The following WDR27 variants were observed in gnomAD, a reference collection of about 807,000 sequenced individuals.
WDR27 encodes the protein WD repeat domain 27, also known as WD repeat-containing protein 27.
Under a neutral mutation model 114.4 loss-of-function variants are expected in WDR27, and 100 were observed. The ratio of observed to expected loss-of-function variants is 0.87; its 90% confidence interval spans 0.74 to 1.03. The LOEUF (loss-of-function observed/expected upper bound fraction) is 1.03. Ranked by LOEUF, WDR27 falls within the 50% of genes least tolerant of loss-of-function variation. The pLI is 0.00. For synonymous variants in WDR27, 449 were observed against 423.1 expected (o/e 1.06, Z -0.75); for missense variants, 1,129 against 1,092.9 (o/e 1.03, Z -0.47).
chr6:169,462,490 G>GAGAGAAAGAAAGAAAGAAAGAAAGAA (rs555265160), intron 25 of WDR27, among the ~76,000 whole-genome samples: 12 of 149,958 alleles, frequency 8.0e-5, no homozygotes, highest in East Asian at 7.8e-4. Context: ...GAGAGAGAGA[G>GAGAGAAAGAAAGAAAGAAAGAAAGAA]AGAAAGAAAG....
intron 20 of WDR27, 54 bp from the exon 21 acceptor site, chr6:169,633,122 G>A (rs1816826905): frequency 6.6e-7 from 1 of 1,520,158 alleles, no homozygotes; most frequent in South Asian, 1.3e-5. Flanking sequence ...ATGGGGAAGG[G>A]ACAGTTCCCT....
chr6:169,692,744 C>T (rs1306662923), intron 1 of WDR27, among the ~76,000 whole-genome samples: 1 of 152,170 alleles, frequency 6.6e-6, no homozygotes, highest in Non-Finnish European at 1.5e-5. Flanking sequence ...GGCCCAAGAA[C>T]CACTCCCACG....
chr6:169,613,745 CAAGT>C, intron 21 of WDR27, 89 bp from the exon 22 acceptor site: 6 of 1,161,882 alleles, frequency 5.2e-6, no homozygotes, highest in Non-Finnish European at 7.3e-6. Flanking sequence ...AGCTGATTCT[CAAGT>C]AAGATATTAA....
intron 2 of WDR27, among the ~76,000 whole-genome samples, chr6:169,686,498 T>G (rs186885508): frequency 1.3e-5 from 2 of 152,082 alleles, no homozygotes; most frequent in Admixed American, 1.3e-4. Flanking sequence ...ATGACCCAAC[T>G]ATATGTGGAC....
intron 24 of WDR27, 86 bp downstream of exon 24, chr6:169,582,750 C>T (rs1422397069): frequency 1.6e-5 from 17 of 1,064,780 alleles, no homozygotes; most frequent in Non-Finnish European, 2.3e-5. Context: ...TATAAGATTT[C>T]ACCAAAATAA....
chr6:169,640,450 T>C (rs1057414092), intron 17 of WDR27, among the ~76,000 whole-genome samples: 2 of 152,100 alleles, frequency 1.3e-5, no homozygotes, highest in Non-Finnish European at 2.9e-5. Flanking sequence ...CCCTCACGTG[T>C]AGAGTTCTGG....
the WDR27 span, among the ~76,000 whole-genome samples, chr6:169,428,592 G>A: frequency 2.0e-5 from 3 of 146,984 alleles, no homozygotes; most frequent in Non-Finnish European, 4.5e-5. Flanking sequence ...GTGGGGGTGG[G>A]ACGGTGGCGG....
the WDR27 span, among the ~76,000 whole-genome samples, chr6:169,429,695 G>T: frequency 6.6e-6 from 1 of 152,054 alleles, no homozygotes; most frequent in Non-Finnish European, 1.5e-5. Context: ...CAACTTTGTC[G>T]GGCACCACAG....
the WDR27 span, among the ~76,000 whole-genome samples, chr6:169,441,685 G>T: frequency 6.6e-6 from 1 of 152,304 alleles, no homozygotes; most frequent in African/African-American, 2.4e-5. Flanking sequence ...ATCCGAGCTT[G>T]CCAGCTCCCT....
intron 25 of WDR27, among the ~76,000 whole-genome samples, chr6:169,493,798 A>C (rs901602683): frequency 6.6e-6 from 1 of 152,176 alleles, no homozygotes; most frequent in Non-Finnish European, 1.5e-5. Context: ...AGTATATGTA[A>C]TATATATGAC....
At chr6:169,548,657 G>A (rs374370431) in intron 25 of WDR27, among the ~76,000 whole-genome samples, 18 of 152,228 alleles carry the variant, frequency 1.2e-4, no homozygotes, top group African/African-American at 4.3e-4. Context: ...GACTTACTAT[G>A]AATCTATAGT....
intron 17 of WDR27, among the ~76,000 whole-genome samples, chr6:169,639,084 G>A (rs542092058): frequency 3.3e-5 from 5 of 150,078 alleles, no homozygotes; most frequent in Admixed American, 6.7e-5. Flanking sequence ...GTGAGTGAAC[G>A]CCTCGGCCAG....
At position 169,507,675 on chromosome 6, in the gene WDR27, T is replaced by C. The variant is rs1051535488; in HGVS notation, c.2646-50041A>G. Among the ~76,000 whole-genome samples the C allele has an allele frequency of 5.3e-5, 8 of 152,242 alleles. No homozygotes were observed. In the East Asian group the frequency reaches 1.5e-3, roughly 29 times the overall value. On this transcript the variant is annotated intron_variant, in intron 25 of 25. Coordinates refer to ENST00000448612, the MANE Select transcript of WDR27 (RefSeq NM_182552.5). Reference sequence around the variant, plus strand: ...ATGAAACAGACCTGCTCATTGCCTGTTTCTGCATATCCAGTAGATAAGAAT... The same window carrying C: ...ATGAAACAGACCTGCTCATTGCCTGCTTCTGCATATCCAGTAGATAAGAAT...
chr6:169,645,395 T>C (rs557553439), intron 16 of WDR27, among the ~76,000 whole-genome samples: 3 of 152,034 alleles, frequency 2.0e-5, no homozygotes, highest in South Asian at 2.1e-4. Context: ...GGAGTCCCAC[T>C]GTAGAAAAGC....
At chr6:169,562,842 G>A (rs1569587) in intron 25 of WDR27, among the ~76,000 whole-genome samples, 87,292 of 151,952 alleles carry the variant, frequency 0.57, 28,532 homozygotes, top group Non-Finnish European at 0.72. Flanking sequence ...TAGAGGATGA[G>A]CTTGCAGGAG....
chr6:169,500,015 G>C (rs969843389), intron 25 of WDR27, among the ~76,000 whole-genome samples: 1 of 152,156 alleles, frequency 6.6e-6, no homozygotes, highest in Admixed American at 6.5e-5. Context: ...TTAGATGGCC[G>C]TACTCAGCAA....
At chr6:169,510,023 T>A (rs1473022712) in intron 25 of WDR27, among the ~76,000 whole-genome samples, 1 of 152,044 alleles carries the variant, frequency 6.6e-6, no homozygotes, top group Non-Finnish European at 1.5e-5. Context: ...AAAAAACACA[T>A]GAAAAAATGC....
chr6:169,537,511 G>C (rs1335804705), intron 25 of WDR27, among the ~76,000 whole-genome samples: 1 of 152,188 alleles, frequency 6.6e-6, no homozygotes, highest in Non-Finnish European at 1.5e-5. Context: ...GGAAGAGCTT[G>C]GTGTAAAATA....
At chr6:169,481,200 A>G (rs1583676036) in intron 25 of WDR27, among the ~76,000 whole-genome samples, 1 of 148,982 alleles carries the variant, frequency 6.7e-6, no homozygotes, top group Non-Finnish European at 1.5e-5. Context: ...GGGACTTGGA[A>G]AACTTTTATG....
Sources: gnomAD v4.1 joint callset for allele counts (sites outside exome capture counted in the v4.1 genomes callset) on GRCh38, gnomAD v4.1.1 for gene constraint, MANE v1.5 for transcripts, NCBI Gene and HGNC (gene_info 2026-07-23, HGNC 2026-07-21) for gene names.